Variants in DOCK2 observed in about 807,000 individuals in gnomAD.
DOCK2 encodes the protein dedicator of cytokinesis protein 2.
Under a neutral mutation model 248.9 loss-of-function variants are expected in DOCK2, and 87 were observed. The observed-to-expected ratio is 0.35, with a 90% CI of 0.29 to 0.42. The LOEUF (loss-of-function observed/expected upper bound fraction) is 0.42. DOCK2 is among the 10% of genes least tolerant of loss of function. The probability of loss-of-function intolerance (pLI) is 1.00; values close to 1 mark genes in which losing one functional copy is unlikely to be tolerated. For missense variants in DOCK2, 1,747 were observed against 2,300.2 expected, an observed-to-expected ratio of 0.76 and a Z score of 4.92; for synonymous variants, 805 against 821.6, an observed-to-expected ratio of 0.98 and a Z score of 0.35.
intron 32 of DOCK2, among the ~76,000 whole-genome samples, chr5:170,011,258 T>C (rs890281473): frequency 1.3e-5 from 2 of 152,072 alleles, no homozygotes; most frequent in African/African-American, 2.4e-5. Context: ...CAGAGAACAG[T>C]TGGAAGCAAC....
intron 26 of DOCK2, among the ~76,000 whole-genome samples, chr5:169,826,847 G>A (rs917701972): frequency 1.3e-5 from 2 of 152,042 alleles, no homozygotes; most frequent in Non-Finnish European, 1.5e-5. Flanking sequence ...ATTGGGTGAC[G>A]ACTTTTTTTC....
intron 22 of DOCK2, among the ~76,000 whole-genome samples, chr5:169,722,754 AG>A (rs1425088117): frequency 6.6e-6 from 1 of 152,240 alleles, no homozygotes; most frequent in Non-Finnish European, 1.5e-5. Flanking sequence ...AGAAACAGCA[AG>A]GGTGCTTTTT....
chr5:169,779,425 G>C (rs568992115), intron 25 of DOCK2: 2 of 116,730 alleles, frequency 1.7e-5, no homozygotes, highest in South Asian at 2.8e-4. Flanking sequence ...CCTGTGGTTG[G>C]GGGGAGGGGA....
At chr5:169,989,847 G>C (rs1778163148) in intron 29 of DOCK2, among the ~76,000 whole-genome samples, 1 of 152,214 alleles carries the variant, frequency 6.6e-6, no homozygotes, top group Non-Finnish European at 1.5e-5. Flanking sequence ...ATAAATGTTA[G>C]TTATTTTTAT....
chr5:169,795,604 G>A (rs532856016), intron 25 of DOCK2, among the ~76,000 whole-genome samples: 11 of 152,328 alleles, frequency 7.2e-5, no homozygotes, highest in Middle Eastern at 6.8e-3. Context: ...TTCCCAGTGG[G>A]CGGAATTAGT....
chr5:169,815,928 C>T (rs1407000927), intron 26 of DOCK2, among the ~76,000 whole-genome samples: 1 of 152,148 alleles, frequency 6.6e-6, no homozygotes, highest in Non-Finnish European at 1.5e-5. Flanking sequence ...CTGCTGGGAA[C>T]CCTTGCATAA....
intron 40 of DOCK2, among the ~76,000 whole-genome samples, chr5:170,048,332 A>C (rs1021739823): frequency 6.6e-6 from 1 of 152,174 alleles, no homozygotes; most frequent in East Asian, 1.9e-4. Flanking sequence ...TTGAGGCTAC[A>C]GTGAGTCATG....
chr5:169,776,174 A>AATATATATATATATATTTATATAAATAT (rs10657686), intron 25 of DOCK2, among the ~76,000 whole-genome samples: 1 of 146,028 alleles, frequency 6.8e-6, no homozygotes, highest in Non-Finnish European at 1.5e-5. Flanking sequence ...TATTTATATA[A>AATATATATATATATATTTATATAAATAT]ATATATATAT....
At position 169,763,409 on chromosome 5, in the gene DOCK2, G is replaced by T. The variant is rs866352570; in HGVS notation, c.2554+1784G>T. Among the ~76,000 whole-genome samples, 1 of 152,274 alleles carries T rather than the reference G, an allele frequency of 6.6e-6. No individual in the cohort carries two copies. The highest frequency in any genetic ancestry group is 2.1e-4 in the South Asian group (1 of 4,836). ...CTACGCATATGGTGTGGCACAGGCA[G>T]CAGGGAGTGGGCTGCTTGGCTCTTC... On this transcript the variant is annotated intron_variant, in intron 25 of 51. Transcript: ENST00000520908. The surrounding 1 kb of genome is among the most constrained non-coding windows in gnomAD (Gnocchi z 4.1).
In DOCK2 at chr5:169,905,288, C is replaced by T. The variant is rs73325963; in HGVS notation, c.2799+64436C>T. ...AAACCCAGGAGCAGTACTGTTAGAG[C>T]CAGTGTTTTTTTTTTTTTTCAGGAG... On this transcript the variant is annotated intron_variant, in intron 27 of 51. Coordinates refer to ENST00000520908, the MANE Select transcript of DOCK2 (RefSeq NM_004946.3). Among the ~76,000 whole-genome samples, 320 of 85,456 alleles carry T rather than the reference C, an allele frequency of 3.7e-3. 1 individual carries two copies. The highest frequency in any genetic ancestry group is 0.018 in the African/African-American group (302 of 16,530). 56.1% of individuals were successfully genotyped at this position (85,456 alleles called of 152,430 possible).
At chr5:170,033,768 T>C (rs968487431) in intron 34 of DOCK2, among the ~76,000 whole-genome samples, 8 of 152,210 alleles carry the variant, frequency 5.3e-5, no homozygotes, top group South Asian at 4.1e-4. Flanking sequence ...TCTATGTTAG[T>C]TGGTTAAGTG....
At chr5:170,028,021 G>A in intron 34 of DOCK2, 73 bp downstream of exon 34, 1 of 1,421,540 alleles carries the variant, frequency 7.0e-7, no homozygotes, top group Non-Finnish European at 9.6e-7. Flanking sequence ...GAACTCCAGG[G>A]GGCTCCGAGT....
chr5:169,674,203 C>T, intron 5 of DOCK2, 94 bp from the exon 6 acceptor site: 2 of 1,517,584 alleles, frequency 1.3e-6, no homozygotes, highest in Non-Finnish European at 8.9e-7. Context: ...GGCCATGGCC[C>T]TTGACCACAC....
chr5:169,930,720 A>C (rs1775711642), intron 27 of DOCK2, among the ~76,000 whole-genome samples: 2 of 152,232 alleles, frequency 1.3e-5, no homozygotes, highest in African/African-American at 4.8e-5. Flanking sequence ...CTCTCACTGC[A>C]GTCTACATCT....
At chr5:169,755,331 G>GTA (rs1206846080) in intron 23 of DOCK2, among the ~76,000 whole-genome samples, 2 of 152,056 alleles carry the variant, frequency 1.3e-5, no homozygotes, top group African/African-American at 2.4e-5. Context: ...ATGTGTATAG[G>GTA]TATATATATG....
intron 25 of DOCK2, among the ~76,000 whole-genome samples, chr5:169,781,774 C>T (rs368181562): frequency 2.0e-5 from 3 of 152,286 alleles, no homozygotes; most frequent in East Asian, 3.9e-4. Flanking sequence ...CCCTTCTCCA[C>T]GCCCCCTCTC....
At chr5:169,712,062 G>T in intron 16 of DOCK2, 55 bp downstream of exon 16, 1 of 1,613,854 alleles carries the variant, frequency 6.2e-7, no homozygotes, top group Non-Finnish European at 8.5e-7. Context: ...GAGAAGAATG[G>T]AAGAGCTGGG....
chr5:170,019,706 G>A (rs1285409861), intron 33 of DOCK2, among the ~76,000 whole-genome samples: 1 of 152,172 alleles, frequency 6.6e-6, no homozygotes, highest in Non-Finnish European at 1.5e-5. Context: ...TGGACAATGA[G>A]GTCCATTTCC....
At chr5:169,712,262 G>T in intron 17 of DOCK2, 39 bp downstream of exon 17, 1 of 1,599,428 alleles carries the variant, frequency 6.3e-7, no homozygotes, top group Non-Finnish European at 8.6e-7. Context: ...TGAGGGGAGT[G>T]CAGGAAGAAA....
Sources: allele counts gnomAD v4.1 joint callset (sites outside exome capture counted in the v4.1 genomes callset), GRCh38; gene constraint gnomAD v4.1.1; non-coding constraint Gnocchi (gnomAD v3.1); transcripts MANE v1.5; gene names NCBI Gene and HGNC (gene_info 2026-07-23, HGNC 2026-07-21).